Variants in HEG1 observed in about 807,000 individuals in gnomAD.
The protein encoded by HEG1 is heart development protein with EGF like domains 1.
HEG1 carries 56 observed loss-of-function variants against 125.6 expected under a neutral mutation model. The ratio of observed to expected loss-of-function variants is 0.45; its 90% confidence interval spans 0.36 to 0.56. HEG1 has a LOEUF of 0.56. Ranked by LOEUF, HEG1 falls within the 20% of genes least tolerant of loss-of-function variation. The pLI is 0.00. For missense variants in HEG1, 1,523 were observed against 1,670.0 expected, an observed-to-expected ratio of 0.91 and a Z score of 1.53; for synonymous variants, 644 against 668.5, an observed-to-expected ratio of 0.96 and a Z score of 0.57.
intron 1 of HEG1, among the ~76,000 whole-genome samples, chr3:125,050,782 CT>C: frequency 6.6e-6 from 1 of 152,346 alleles, no homozygotes; most frequent in South Asian, 2.1e-4. Flanking sequence ...GTAAATATAT[CT>C]TGATTTACAA....
intron 14 of HEG1, among the ~76,000 whole-genome samples, chr3:124,988,497 G>A (rs1366876854): frequency 6.6e-6 from 1 of 152,162 alleles, no homozygotes; most frequent in Non-Finnish European, 1.5e-5. Context: ...TTTAGAGCGT[G>A]ATGACTGGGG....
Position 125,012,654 on chromosome 3 carries a change from CTG to C in HEG1, c.2923_2924del (p.Gln975ValfsTer46). 6.2e-7 allele frequency: 1 copy of C among 1,613,694 alleles called. No individual in the cohort carries two copies. Among genetic ancestry groups the C allele is most frequent in the South Asian group, 1.1e-5 (1 of 90,934 alleles). On this transcript the variant is annotated frameshift_variant, in exon 6 of 17. Coordinates refer to ENST00000311127, the MANE Select transcript of HEG1 (RefSeq NM_020733.2). LOFTEE classifies it high-confidence loss of function. ...SATFAVQSST[Q>X]SPTTVSSSAS... ...CTGAAGAGGACACTGTTGTTGGTGA[CTG>C]TGTGCTGCTCTGAACAGCAAAGGTG...
chr3:125,027,206 T>G lies in HEG1; in HGVS notation c.912A>C (p.Ser304=), dbSNP rs375210300. 9 of 1,593,074 alleles carry G rather than the reference T, an allele frequency of 5.6e-6. No homozygotes were observed. In the African/African-American group the frequency reaches 1.1e-4, roughly 19 times the overall value. ...AASSPLLDLS[S]SSESTEKLNN... The stretch of plus-strand genomic sequence containing the variant: ...TTAAGCTGGGTATGTGGCACTCACA[T>G]GAGGAAAGGTCTAAGAGAGGAGAGG... Residue 304 remains serine, a splice_region_variant and synonymous_variant, in exon 3 of 17, where the codon TCA becomes TCC. Transcript: ENST00000311127.
At chr3:125,015,089 T>C in intron 5 of HEG1, 1 of 1,034,598 alleles carries the variant, frequency 9.7e-7, no homozygotes. Context: ...CCTCACTTCC[T>C]GGGCTGTGGG....
At chr3:125,020,635 T>A (rs1937320387) in intron 4 of HEG1, among the ~76,000 whole-genome samples, 157 bp downstream of exon 4, 2 of 152,124 alleles carry the variant, frequency 1.3e-5, no homozygotes, top group Non-Finnish European at 2.9e-5. Flanking sequence ...CTGACTAACT[T>A]CACAATGTTC....
At chr3:125,028,752 A>T (rs1479918607) in intron 2 of HEG1, among the ~76,000 whole-genome samples, 1 of 152,170 alleles carries the variant, frequency 6.6e-6, no homozygotes, top group Non-Finnish European at 1.5e-5. Context: ...TCCTCCGTGC[A>T]ATTTTACCCA....
chr3:124,994,383 G>A (rs548944970), intron 12 of HEG1, among the ~76,000 whole-genome samples: 2 of 152,344 alleles, frequency 1.3e-5, no homozygotes, highest in Admixed American at 1.3e-4. Context: ...ACAGAGCACT[G>A]AAGATGAAAT....
chr3:125,007,015 C>T (rs1211449888), intron 8 of HEG1, among the ~76,000 whole-genome samples: 3 of 151,514 alleles, frequency 2.0e-5, no homozygotes, highest in African/African-American at 7.3e-5. Context: ...CCGGCTAAAA[C>T]GGTGAAACCC....
At position 125,050,504 on chromosome 3, in the gene HEG1, C is replaced by A. The variant is rs373510159; in HGVS notation, c.316+5071G>T. Among the ~76,000 whole-genome samples, 5 of 152,196 alleles carry A rather than the reference C, an allele frequency of 3.3e-5. No individual in the cohort carries two copies. The East Asian group carries it at 5.8e-4, about 18-fold the overall frequency. The stretch of plus-strand genomic sequence containing the variant: ...AACTTTCAAAGTTAAATCAACTCCC[C>A]CCTTTCCCACTGAAGTCTCCCTGGA... On this transcript the variant is annotated intron_variant, in intron 1 of 16. Transcript: ENST00000311127.
chr3:125,033,722 T>TG (rs1937519953), intron 1 of HEG1, among the ~76,000 whole-genome samples: 1 of 152,182 alleles, frequency 6.6e-6, no homozygotes, highest in African/African-American at 2.4e-5. Flanking sequence ...GGACATGGAC[T>TG]GGTAGCGGTC....
intron 15 of HEG1, among the ~76,000 whole-genome samples, chr3:124,974,784 A>T (rs1170670383): frequency 1.3e-5 from 2 of 152,216 alleles, no homozygotes; most frequent in African/African-American, 4.8e-5. Context: ...GAAGGCAAAA[A>T]GTGACTCAGG....
intron 1 of HEG1, among the ~76,000 whole-genome samples, 165 bp downstream of exon 1, chr3:125,055,410 G>T (rs1459158541): frequency 6.6e-6 from 1 of 152,090 alleles, no homozygotes; most frequent in Non-Finnish European, 1.5e-5. Context: ...CTGCGAAAGC[G>T]TCCCTCCCTA....
At chr3:125,025,849 C>G (rs968140928) in intron 3 of HEG1, among the ~76,000 whole-genome samples, 1 of 152,170 alleles carries the variant, frequency 6.6e-6, no homozygotes, top group African/African-American at 2.4e-5. Context: ...CTTCTAAAAA[C>G]ATGAATCATG....
intron 14 of HEG1, among the ~76,000 whole-genome samples, chr3:124,989,852 T>C (rs749182603): frequency 6.4e-4 from 97 of 152,344 alleles, no homozygotes; most frequent in Admixed American, 1.5e-3. Context: ...TTTTGCCAGC[T>C]GCCTGACAGT....
chr3:125,013,573 G>A lies in HEG1; in HGVS notation c.2006C>T (p.Ser669Phe). The change falls in exon 6 of 17, where the codon TCT becomes TTT. Residue 669 changes from serine to phenylalanine, a missense_variant. By Grantham distance (155) the Ser-to-Phe change is radical. Coordinates refer to ENST00000311127, the MANE Select transcript of HEG1 (RefSeq NM_020733.2). ...AGGCAAAGGAGGCCCTGAAGAAGAA[G>A]AAGAGGAGGAGGAGGAAGAGGAGGA... ...SSSSSSSSSS[S>F]SSSGPPLPLP... 1 of 1,595,964 alleles carries A rather than the reference G, an allele frequency of 6.3e-7. No homozygotes were observed. Among genetic ancestry groups the A allele is most frequent in the Non-Finnish European group, 8.5e-7 (1 of 1,171,542 alleles).
chr3:125,025,276 C>T (rs747324209), intron 3 of HEG1, among the ~76,000 whole-genome samples: 4 of 152,168 alleles, frequency 2.6e-5, no homozygotes, highest in Admixed American at 6.5e-5. Context: ...TGCATCCCCA[C>T]GGGGAGGAGG....
intron 1 of HEG1, among the ~76,000 whole-genome samples, chr3:125,048,403 C>T (rs1344637646): frequency 6.6e-6 from 1 of 152,212 alleles, no homozygotes; most frequent in Non-Finnish European, 1.5e-5. Flanking sequence ...GACACCCTGG[C>T]CTTCCTTCTT....
At chr3:125,040,131 GTC>G (rs1211077319) in intron 1 of HEG1, among the ~76,000 whole-genome samples, 1 of 152,186 alleles carries the variant, frequency 6.6e-6, no homozygotes, top group Non-Finnish European at 1.5e-5. Flanking sequence ...AACAAGAAAA[GTC>G]TGTTTTTGAT....
intron 4 of HEG1, among the ~76,000 whole-genome samples, chr3:125,019,837 C>A (rs1579422910): frequency 1.3e-5 from 2 of 152,110 alleles, no homozygotes; most frequent in East Asian, 1.9e-4. Context: ...ATAGCATGTG[C>A]AAGTAGCAAA....
Sources: gnomAD v4.1 joint callset for allele counts (sites outside exome capture counted in the v4.1 genomes callset) on GRCh38, gnomAD v4.1.1 for gene constraint, MANE v1.5 for transcripts, NCBI Gene and HGNC (gene_info 2026-07-23, HGNC 2026-07-21) for gene names.